Variants in INPP4A observed in about 807,000 individuals in gnomAD.
The protein encoded by INPP4A is inositol polyphosphate-4-phosphatase, type I, 107kD.
INPP4A carries 33 observed loss-of-function variants against 119.8 expected under a neutral mutation model. That is an observed-to-expected ratio of 0.28 (90% CI 0.21 to 0.37). INPP4A has a LOEUF of 0.37. Ranked by LOEUF, INPP4A falls within the 10% of genes least tolerant of loss-of-function variation. INPP4A has a pLI of 1.00. For missense variants in INPP4A, 956 were observed against 1,289.9 expected, an observed-to-expected ratio of 0.74 and a Z score of 3.97; for synonymous variants, 496 against 500.7, an observed-to-expected ratio of 0.99 and a Z score of 0.12.
intron 4 of INPP4A, among the ~76,000 whole-genome samples, chr2:98,528,276 G>A (rs1026581294): frequency 1.3e-5 from 2 of 152,242 alleles, no homozygotes; most frequent in East Asian, 1.9e-4. Flanking sequence ...ATTAAGAGAG[G>A]CTCAACTGTA....
At chr2:98,459,228 T>C (rs1408094622) in intron 1 of INPP4A, among the ~76,000 whole-genome samples, 1 of 152,208 alleles carries the variant, frequency 6.6e-6, no homozygotes, top group East Asian at 1.9e-4. Flanking sequence ...CAGTGGTCCC[T>C]GCACCTGGGA....
chr2:98,536,042 A>G (rs1335763208), intron 6 of INPP4A, 87 bp from the exon 7 acceptor site: 9 of 833,276 alleles, frequency 1.1e-5, no homozygotes, highest in Admixed American at 8.6e-5. Context: ...TGTGGGAAGC[A>G]GTCAGCTGGA....
chr2:98,452,937 A>G (rs1365911788), intron 1 of INPP4A, among the ~76,000 whole-genome samples: 2 of 152,168 alleles, frequency 1.3e-5, no homozygotes, highest in Non-Finnish European at 2.9e-5. Flanking sequence ...CTCAGCTAGG[A>G]AAAAAGAGCA....
chr2:98,474,278 C>A (rs1455571731), intron 1 of INPP4A, among the ~76,000 whole-genome samples: 1 of 152,182 alleles, frequency 6.6e-6, no homozygotes, highest in Non-Finnish European at 1.5e-5. Flanking sequence ...GCGAGGGCCA[C>A]CCGCAGCCTT....
rs766251902 is a variant in INPP4A at position 98,522,713 on chromosome 2, TGTG to T, written c.151+1986_151+1988del. ...GAAAGAGACCCATAACAAGGTGTAT[TGTG>T]GTGAAATTTCGGATCACAGGGAATA... On this transcript the variant is annotated intron_variant, in intron 4 of 24. Transcript: ENST00000409851. Among the ~76,000 whole-genome samples the T allele has an allele frequency of 8.5e-4, 129 of 151,912 alleles. 1 individual carries two copies. Among genetic ancestry groups the T allele is most frequent in the Non-Finnish European group, 1.2e-3 (84 of 67,976 alleles).
At chr2:98,576,915 CT>C in intron 23 of INPP4A, 73 bp from the exon 24 acceptor site, 1 of 1,533,386 alleles carries the variant, frequency 6.5e-7, no homozygotes, top group Non-Finnish European at 8.9e-7. Context: ...GGTTGGGAGC[CT>C]TTCCTGTGTG....
intron 1 of INPP4A, among the ~76,000 whole-genome samples, chr2:98,488,663 G>A (rs1036937558): frequency 1.3e-5 from 2 of 152,188 alleles, no homozygotes; most frequent in African/African-American, 4.8e-5. Flanking sequence ...GTCAAAAGCA[G>A]TAAAACCTAA....
At chr2:98,581,474 A>T in intron 24 of INPP4A, 3 of 1,155,514 alleles carry the variant, frequency 2.6e-6, no homozygotes, top group East Asian at 2.8e-5. Flanking sequence ...TGTTTATCCC[A>T]TCCTTTTTGA....
rs1310421122 is a variant in INPP4A, at chr2:98,566,427, C to T, written c.2420+258C>T. 6.6e-6 allele frequency among the ~76,000 whole-genome samples: 1 copy of T among 152,078 alleles called. No individual in the cohort carries two copies. The highest frequency in any genetic ancestry group is 2.4e-5 in the African/African-American group (1 of 41,400). On this transcript the variant is annotated intron_variant, in intron 21 of 24. Transcript: ENST00000409851. The surrounding 1 kb of genome is among the most constrained non-coding windows in gnomAD (Gnocchi z 4.2). ...ATGGATGCAATGATGAAGACAGATA[C>T]AGGGCATTGTGGGATCCGGAGTAGG...
intron 1 of INPP4A, among the ~76,000 whole-genome samples, chr2:98,462,871 A>C (rs1470042536): frequency 6.6e-6 from 1 of 151,792 alleles, no homozygotes; most frequent in Non-Finnish European, 1.5e-5. Flanking sequence ...AATTTTTTAA[A>C]ATTTTTATTC....
chr2:98,539,005 T>G, intron 9 of INPP4A, 24 bp downstream of exon 9: 1 of 1,470,698 alleles, frequency 6.8e-7, no homozygotes, highest in African/African-American at 1.4e-5. Flanking sequence ...TCCTTTGGTA[T>G]TCTTGCCTCT....
intron 17 of INPP4A, among the ~76,000 whole-genome samples, chr2:98,562,556 C>T (rs762693575): frequency 1.5e-4 from 23 of 152,214 alleles, no homozygotes; most frequent in Non-Finnish European, 1.9e-4. Context: ...CATGTACTGC[C>T]TGGGCTTCAC....
rs370539312 is a variant in INPP4A, at chr2:98,469,805, A to AAAC, written c.-166+24738_-166+24740dup. On this transcript the variant is annotated intron_variant, in intron 1 of 24. Transcript: ENST00000409851. ...GGCAGCAAGAAAGAAATTCCGTCTC[A>AAAC]AACAACAACAACAACAACAAAAAGA... Among the ~76,000 whole-genome samples, 886 of 152,186 alleles carry AAAC rather than the reference A, an allele frequency of 5.8e-3. 12 individuals carry two copies. The highest frequency in any genetic ancestry group is 0.018 in the African/African-American group (744 of 41,546).
intron 1 of INPP4A, among the ~76,000 whole-genome samples, chr2:98,495,587 G>C (rs1276809998): frequency 6.6e-6 from 1 of 152,238 alleles, no homozygotes; most frequent in Non-Finnish European, 1.5e-5. Context: ...GTACATGTAA[G>C]ATGTATATTA....
intron 1 of INPP4A, among the ~76,000 whole-genome samples, chr2:98,506,261 A>C (rs1684018857): frequency 6.6e-6 from 1 of 152,242 alleles, no homozygotes; most frequent in African/African-American, 2.4e-5. Context: ...AGTCGAATTA[A>C]TGTGCTCTGC....
At chr2:98,452,874 C>T (rs952690048) in intron 1 of INPP4A, among the ~76,000 whole-genome samples, 1 of 152,218 alleles carries the variant, frequency 6.6e-6, no homozygotes, top group East Asian at 1.9e-4. Context: ...CTTCTGAAGC[C>T]ATTCCTGAAG....
chr2:98,538,078 G>A (rs1460414781), intron 8 of INPP4A, 104 bp downstream of exon 8: 1 of 752,482 alleles, frequency 1.3e-6, no homozygotes, highest in African/African-American at 1.7e-5. Context: ...CAAAGGGCAG[G>A]GCCTGCTGCT....
intron 13 of INPP4A, chr2:98,552,530 C>G: frequency 1.7e-6 from 1 of 603,970 alleles, no homozygotes; most frequent in Non-Finnish European, 3.1e-6. Context: ...CATTTACATA[C>G]ACAAGTAAAA....
rs555722662 is a variant in INPP4A at position 98,538,130 on chromosome 2, A to G, written c.579+156A>G. On this transcript the variant is annotated intron_variant, in intron 8 of 24. Transcript: ENST00000409851. The stretch of plus-strand genomic sequence containing the variant: ...GGACACTCCGGTCCTCCTTAGGCAC[A>G]CCTTGAAGCAGGAAAAAGGGCTCCT... 6.6e-5 allele frequency among the ~76,000 whole-genome samples: 10 copies of G among 152,274 alleles called. No individual in the cohort carries two copies. The East Asian group carries it at 1.2e-3, about 18-fold the overall frequency.
Sources: gnomAD v4.1 joint callset for allele counts (sites outside exome capture counted in the v4.1 genomes callset) on GRCh38, gnomAD v4.1.1 for gene constraint, Gnocchi (gnomAD v3.1) non-coding constraint, MANE v1.5 for transcripts, NCBI Gene and HGNC (gene_info 2026-07-23, HGNC 2026-07-21) for gene names.